CAST: variants seen among roughly 807,000 people sequenced by gnomAD.
The protein encoded by CAST is calpastatin.
Under a neutral mutation model 119.6 loss-of-function variants are expected in CAST, and 76 were observed. The ratio of observed to expected loss-of-function variants is 0.64; its 90% confidence interval spans 0.53 to 0.77. The LOEUF (loss-of-function observed/expected upper bound fraction) is 0.77, where lower values mean the gene tolerates loss of function less well. Among genes scored for constraint, CAST ranks in the 30% least tolerant of loss-of-function variants. The probability of loss-of-function intolerance (pLI) is 0.00; values close to 1 mark genes in which losing one functional copy is unlikely to be tolerated. For synonymous variants in CAST, 319 were observed against 331.6 expected (o/e 0.96, Z 0.41); for missense variants, 953 against 946.5 (o/e 1.01, Z -0.09).
chr5:96,507,989 A>ATAT, the CAST span, among the ~76,000 whole-genome samples: 1 of 102,442 alleles, frequency 9.8e-6, no homozygotes, highest in South Asian at 3.2e-4. Flanking sequence ...TATATCCCTG[A>ATAT]CATTATTATT....
chr5:95,990,207 C>A, the CAST span, among the ~76,000 whole-genome samples: 1 of 151,978 alleles, frequency 6.6e-6, no homozygotes, highest in East Asian at 1.9e-4. Flanking sequence ...GAGTCTGGAA[C>A]ACAGCAAAAA....
chr5:96,045,075 G>A, the CAST span, among the ~76,000 whole-genome samples: 2 of 152,082 alleles, frequency 1.3e-5, no homozygotes, highest in African/African-American at 4.8e-5. Context: ...AGAGCTGGCC[G>A]GGCGCAGTGG....
At chr5:96,372,996 T>C in the CAST span, among the ~76,000 whole-genome samples, 2 of 152,188 alleles carry the variant, frequency 1.3e-5, no homozygotes, top group Non-Finnish European at 2.9e-5. Context: ...TAATATCCTC[T>C]CTTGAACTGA....
At chr5:96,237,541 G>A in the CAST span, among the ~76,000 whole-genome samples, 2 of 151,984 alleles carry the variant, frequency 1.3e-5, no homozygotes, top group African/African-American at 4.8e-5. Context: ...TCTATAATTT[G>A]TATATAAAAC....
chr5:96,288,708 G>T, the CAST span, among the ~76,000 whole-genome samples: 1 of 152,034 alleles, frequency 6.6e-6, no homozygotes, highest in African/African-American at 2.4e-5. Flanking sequence ...AAGTCATCAG[G>T]CAAAATTTTT....
chr5:96,393,311 A>G, the CAST span: 1 of 1,614,034 alleles, frequency 6.2e-7, no homozygotes, highest in Non-Finnish European at 8.5e-7. Context: ...CCGGCCCCCT[A>G]CGCTGCTGCT....
the CAST span, among the ~76,000 whole-genome samples, chr5:96,122,316 C>T: frequency 6.6e-6 from 1 of 152,122 alleles, no homozygotes; most frequent in African/African-American, 2.4e-5. Flanking sequence ...TTGTGTTGAA[C>T]TTCTTTATAA....
chr5:96,603,895 C>G (rs1217889839), intron 1 of CAST, among the ~76,000 whole-genome samples: 2 of 150,958 alleles, frequency 1.3e-5, no homozygotes, highest in Non-Finnish European at 2.9e-5. Context: ...TCCAGAGTAG[C>G]TGGGACTACA....
the CAST span, among the ~76,000 whole-genome samples, chr5:96,032,571 G>A: frequency 1.0e-3 from 153 of 152,196 alleles, no homozygotes; most frequent in African/African-American, 3.5e-3. Context: ...AAAAATGCTA[G>A]TTTCCTTTCC....
At chr5:96,186,741 G>A in the CAST span, among the ~76,000 whole-genome samples, 18 of 152,202 alleles carry the variant, frequency 1.2e-4, no homozygotes, top group Admixed American at 7.9e-4. Flanking sequence ...GTGCTGGTAC[G>A]TTTGGTTTGC....
At chr5:96,064,473 G>GT in the CAST span, among the ~76,000 whole-genome samples, 49,437 of 151,974 alleles carry the variant, frequency 0.33, 9,449 homozygotes, top group Non-Finnish European at 0.42. Context: ...GCAAAAGTAT[G>GT]TAATTGCAGC....
the CAST span, among the ~76,000 whole-genome samples, chr5:96,430,361 G>A: frequency 1.6e-4 from 24 of 152,292 alleles, no homozygotes; most frequent in Non-Finnish European, 2.2e-4. Flanking sequence ...CAGAAGAAAC[G>A]TGTTCTTTAA....
chr5:96,149,881 G>T, the CAST span, among the ~76,000 whole-genome samples: 1 of 152,184 alleles, frequency 6.6e-6, no homozygotes, highest in African/African-American at 2.4e-5. Context: ...GCTTCTTTCA[G>T]GGGAAGGAAT....
the CAST span, among the ~76,000 whole-genome samples, chr5:96,051,695 A>G: frequency 6.6e-6 from 1 of 152,136 alleles, no homozygotes; most frequent in Non-Finnish European, 1.5e-5. Context: ...TGGCAGCCAG[A>G]TTTCCTGCCA....
the CAST span, among the ~76,000 whole-genome samples, chr5:95,962,604 G>T: frequency 6.6e-6 from 1 of 152,108 alleles, no homozygotes; most frequent in African/African-American, 2.4e-5. Flanking sequence ...AAAATCACGC[G>T]GGAGGTTAAA....
chr5:96,395,345 T>C, the CAST span, among the ~76,000 whole-genome samples: 6 of 152,194 alleles, frequency 3.9e-5, no homozygotes, highest in Non-Finnish European at 8.8e-5. Context: ...TATCAACTTA[T>C]AGAAACATTC....
chr5:96,517,275 A>G, the CAST span, among the ~76,000 whole-genome samples: 2 of 152,190 alleles, frequency 1.3e-5, no homozygotes, highest in African/African-American at 2.4e-5. Flanking sequence ...TTTCCCATAT[A>G]AGACATGACC....
the CAST span, among the ~76,000 whole-genome samples, chr5:96,477,554 G>A: frequency 6.6e-6 from 1 of 152,190 alleles, no homozygotes; most frequent in Non-Finnish European, 1.5e-5. Flanking sequence ...TTGACCCATA[G>A]TGCTTCAACA....
At chr5:96,333,147 C>T in the CAST span, among the ~76,000 whole-genome samples, 2 of 151,992 alleles carry the variant, frequency 1.3e-5, no homozygotes, top group African/African-American at 2.4e-5. Flanking sequence ...TCCCACTTCT[C>T]GGTGTGAAGC....
Sources: allele counts gnomAD v4.1 joint callset (sites outside exome capture counted in the v4.1 genomes callset), GRCh38; gene constraint gnomAD v4.1.1; transcripts MANE v1.5; gene names NCBI Gene and HGNC (gene_info 2026-07-23, HGNC 2026-07-21).